The following SORCS3 variants were observed in gnomAD, a reference collection of about 807,000 sequenced individuals.
The protein encoded by SORCS3 is sortilin related VPS10 domain containing receptor 3, also known as VPS10 domain-containing receptor SorCS3.
Under a neutral mutation model 146.3 loss-of-function variants are expected in SORCS3, and 57 were observed. The observed-to-expected ratio is 0.39, with a 90% CI of 0.31 to 0.49. The LOEUF (loss-of-function observed/expected upper bound fraction) is 0.49, where lower values mean the gene tolerates loss of function less well. SORCS3 is among the 20% of genes least tolerant of loss of function. The pLI is 0.92. For missense variants in SORCS3, 1,341 were observed against 1,575.5 expected, an observed-to-expected ratio of 0.85 and a Z score of 2.52; for synonymous variants, 653 against 618.5, an observed-to-expected ratio of 1.06 and a Z score of -0.83.
chr10:104,931,112 G>A (rs1398876562), intron 3 of SORCS3, among the ~76,000 whole-genome samples: 1 of 152,188 alleles, frequency 6.6e-6, no homozygotes, highest in Non-Finnish European at 1.5e-5. Context: ...GAGCTGGCAA[G>A]TGACTGAAAG....
chr10:104,982,947 C>T (rs1184162578), intron 4 of SORCS3, among the ~76,000 whole-genome samples: 1 of 152,180 alleles, frequency 6.6e-6, no homozygotes, highest in Non-Finnish European at 1.5e-5. Flanking sequence ...AATGAACAAC[C>T]TTTAGCAAAA....
At chr10:104,905,709 G>T (rs555680267) in intron 2 of SORCS3, among the ~76,000 whole-genome samples, 3 of 152,242 alleles carry the variant, frequency 2.0e-5, no homozygotes, top group Admixed American at 1.3e-4. Flanking sequence ...AAAAAGATGT[G>T]GTCCCAGAAA....
chr10:104,723,478 G>C (rs1205943766), intron 1 of SORCS3, among the ~76,000 whole-genome samples: 1 of 152,192 alleles, frequency 6.6e-6, no homozygotes, highest in Non-Finnish European at 1.5e-5. Context: ...GGAGAGTGCT[G>C]TAGATGTCTA....
intron 1 of SORCS3, among the ~76,000 whole-genome samples, chr10:104,801,346 C>G (rs575962616): frequency 4.2e-4 from 64 of 152,134 alleles, no homozygotes; most frequent in Non-Finnish European, 8.2e-4. Context: ...GCTCTGCAGC[C>G]CAACAGATCT....
At chr10:104,659,300 T>C (rs565526344) in intron 1 of SORCS3, among the ~76,000 whole-genome samples, 2 of 152,308 alleles carry the variant, frequency 1.3e-5, no homozygotes, top group South Asian at 4.1e-4. Context: ...ATGACCTAAC[T>C]ACATCTTTTT....
At chr10:104,888,316 A>G (rs2018712597) in intron 2 of SORCS3, among the ~76,000 whole-genome samples, 1 of 152,206 alleles carries the variant, frequency 6.6e-6, no homozygotes. Context: ...GTGACTGGCT[A>G]AGTAGTTGGA....
intron 1 of SORCS3, among the ~76,000 whole-genome samples, chr10:104,728,181 T>C (rs1294928400): frequency 6.6e-6 from 1 of 152,194 alleles, no homozygotes; most frequent in Non-Finnish European, 1.5e-5. Context: ...TCAGAAATTT[T>C]GCTCTTATGG....
rs550035728 is a variant in SORCS3, at chr10:104,716,069, A to G, written c.627+74115A>G. On this transcript the variant is annotated intron_variant, in intron 1 of 26. Transcript: ENST00000369701. ...CCTCTGCCTGAATCCTCTTTCCCCA[A>G]ATCTATTCAACTTGCTTCCTTAATT... is the stretch of plus-strand genomic sequence containing the variant. Among the ~76,000 whole-genome samples the G allele has an allele frequency of 1.8e-4, 28 of 152,040 alleles. No individual in the cohort carries two copies. In the South Asian group the frequency reaches 5.4e-3, roughly 29 times the overall value.
chr10:105,256,512 A>G (rs1449338346), intron 24 of SORCS3, among the ~76,000 whole-genome samples: 5 of 152,186 alleles, frequency 3.3e-5, no homozygotes, highest in Non-Finnish European at 5.9e-5. Flanking sequence ...CAGCCTATCT[A>G]AGAGAAAGAG....
intron 3 of SORCS3, among the ~76,000 whole-genome samples, chr10:104,932,802 C>G (rs1347958298): frequency 3.9e-5 from 6 of 152,202 alleles, no homozygotes; most frequent in African/African-American, 1.4e-4. Flanking sequence ...AAGCAATCCT[C>G]CTACCTCAGA....
intron 1 of SORCS3, among the ~76,000 whole-genome samples, chr10:104,657,708 G>A (rs969247097): frequency 6.6e-6 from 1 of 152,088 alleles, no homozygotes; most frequent in African/African-American, 2.4e-5. Context: ...CCTCAATAGG[G>A]GCCTTCAGAC....
intron 1 of SORCS3, among the ~76,000 whole-genome samples, chr10:104,826,080 G>A (rs2017931968): frequency 6.6e-6 from 1 of 152,160 alleles, no homozygotes; most frequent in South Asian, 2.1e-4. Context: ...AGAACCCTGT[G>A]TTTGGGTGCT....
chr10:104,977,586 C>T (rs1486165808), intron 4 of SORCS3, 93 bp downstream of exon 4: 3 of 1,230,018 alleles, frequency 2.4e-6, no homozygotes, highest in Non-Finnish European at 3.3e-6. Context: ...GGAGGGAATT[C>T]AGTGACATTT....
At chr10:105,188,466 G>A (rs1049944652) in intron 14 of SORCS3, among the ~76,000 whole-genome samples, 2 of 152,078 alleles carry the variant, frequency 1.3e-5, no homozygotes. Flanking sequence ...CCTCAACTGT[G>A]TACCATCACT....
At chr10:105,190,993 G>A (rs994951388) in intron 14 of SORCS3, among the ~76,000 whole-genome samples, 1 of 152,188 alleles carries the variant, frequency 6.6e-6, no homozygotes. Flanking sequence ...AGTTTAAAGT[G>A]TGTAAGGAAC....
chr10:105,022,319 C>T (rs1395573737), intron 4 of SORCS3, among the ~76,000 whole-genome samples: 2 of 133,480 alleles, frequency 1.5e-5, no homozygotes, highest in African/African-American at 5.8e-5. Flanking sequence ...TTTTTCGAGA[C>T]GGAGTTTCGT....
intron 1 of SORCS3, among the ~76,000 whole-genome samples, chr10:104,817,170 A>G (rs1357366081): frequency 6.6e-6 from 1 of 152,202 alleles, no homozygotes; most frequent in Non-Finnish European, 1.5e-5. Flanking sequence ...AGCACATTTC[A>G]TGAGAGACCT....
At chr10:104,921,910 G>A (rs1038688061) in intron 3 of SORCS3, among the ~76,000 whole-genome samples, 62 of 152,152 alleles carry the variant, frequency 4.1e-4, no homozygotes, top group Admixed American at 3.3e-4. Flanking sequence ...CAGTTTCTTG[G>A]AGGAGGAGGG....
intron 4 of SORCS3, among the ~76,000 whole-genome samples, chr10:104,980,317 A>T (rs930272825): frequency 1.3e-5 from 2 of 152,228 alleles, no homozygotes; most frequent in African/African-American, 4.8e-5. Flanking sequence ...TCTTCTTTTA[A>T]ATAAATGATG....
Sources: allele counts gnomAD v4.1 joint callset (sites outside exome capture counted in the v4.1 genomes callset), GRCh38; gene constraint gnomAD v4.1.1; transcripts MANE v1.5; gene names NCBI Gene and HGNC (gene_info 2026-07-23, HGNC 2026-07-21).